PCDHA12: variants seen among roughly 807,000 people sequenced by gnomAD.
The protein encoded by PCDHA12 is protocadherin alpha-12.
A neutral mutation model predicts 60.0 loss-of-function variants in PCDHA12; 44 were observed. The ratio of observed to expected loss-of-function variants is 0.73; its 90% confidence interval spans 0.58 to 0.94. PCDHA12 has a LOEUF of 0.94. Ranked by LOEUF, PCDHA12 falls within the 40% of genes least tolerant of loss-of-function variation. The probability of loss-of-function intolerance (pLI) is 0.00; values close to 1 mark genes in which losing one functional copy is unlikely to be tolerated. For missense variants in PCDHA12, 1,276 were observed against 1,239.7 expected (o/e 1.03, Z -0.44); for synonymous variants, 569 against 553.0 (o/e 1.03, Z -0.40).
At chr5:140,952,955 A>G (rs1244776708) in intron 1 of PCDHA12, among the ~76,000 whole-genome samples, 1 of 152,044 alleles carries the variant, frequency 6.6e-6, no homozygotes, top group Non-Finnish European at 1.5e-5. Context: ...AGAAGGGGGA[A>G]GTGATACACA....
intron 1 of PCDHA12, among the ~76,000 whole-genome samples, chr5:140,974,407 A>T (rs1441174003): frequency 6.6e-6 from 1 of 152,244 alleles, no homozygotes; most frequent in African/African-American, 2.4e-5. Flanking sequence ...TTCTAAAGTT[A>T]TGTTTATTTT....
At position 140,913,388 on chromosome 5, in the gene PCDHA12, G is replaced by A. The variant is rs180918053; in HGVS notation, c.2367+35549G>A. On this transcript the variant is annotated intron_variant, in intron 1 of 3. Coordinates refer to ENST00000398631, the MANE Select transcript of PCDHA12 (RefSeq NM_018903.4). ...TATTGGCATATAGTGGCTCATCATAGCCACTAATGATCCTTTGAATTCCTG... is the reference window on the plus strand; with the variant it reads ...TATTGGCATATAGTGGCTCATCATAACCACTAATGATCCTTTGAATTCCTG... Among the ~76,000 whole-genome samples, 155 of 152,188 alleles carry A rather than the reference G, an allele frequency of 1.0e-3. 2 individuals are homozygous for A. The highest frequency in any genetic ancestry group is 3.7e-3 in the African/African-American group (152 of 41,534).
chr5:140,966,953 C>A, intron 1 of PCDHA12: 1 of 1,603,802 alleles, frequency 6.2e-7, no homozygotes. Flanking sequence ...CAACGTGGCT[C>A]GCGCGCTGGG....
chr5:140,966,061 C>T (rs2095963591), intron 1 of PCDHA12, among the ~76,000 whole-genome samples: 1 of 152,222 alleles, frequency 6.6e-6, no homozygotes, highest in Non-Finnish European at 1.5e-5. Flanking sequence ...CCCAGAGCGC[C>T]TCCCCCTGCG....
chr5:140,994,519 A>G (rs1378534275), intron 3 of PCDHA12, among the ~76,000 whole-genome samples: 2 of 148,690 alleles, frequency 1.3e-5, no homozygotes, highest in Non-Finnish European at 3.0e-5. Context: ...CCTGGGCAAC[A>G]TGGCAAAACC....
At position 140,946,631 on chromosome 5, in the gene PCDHA12, T is replaced by C. The variant is rs75895301; in HGVS notation, c.2368-32318T>C. Among the ~76,000 whole-genome samples, 565 of 131,680 alleles carry C rather than the reference T, an allele frequency of 4.3e-3. 19 individuals are homozygous for C. Among genetic ancestry groups the C allele is most frequent in the Middle Eastern group, 0.019 (5 of 266 alleles). 86.4% of individuals were successfully genotyped at this position (131,680 alleles called of 152,430 possible). A position where few individuals can be genotyped will look rare whatever the true frequency, so the allele number is the denominator to read the frequency against. On this transcript the variant is annotated intron_variant, in intron 1 of 3. Coordinates refer to ENST00000398631, the MANE Select transcript of PCDHA12 (RefSeq NM_018903.4). ...TGTGAAATATATATATATATATATA[T>C]ACAATGGAATACTCATCAGCCATTA... is the stretch of plus-strand genomic sequence containing the variant.
intron 1 of PCDHA12, chr5:140,926,897 T>C: frequency 1.3e-6 from 2 of 1,548,696 alleles, no homozygotes; most frequent in Non-Finnish European, 1.7e-6. Context: ...GGGAGGATGG[T>C]GGGCTGTGGG....
At position 140,883,630 on chromosome 5, in the gene PCDHA12, G is replaced by A. The variant is rs1424400219; in HGVS notation, c.2367+5791G>A. Reference sequence around the variant, plus strand: ...CCGACGTGAACGACAACGCGCCGGCGTTCGCGCAGCCCGAGTACACGGTGT... The same window carrying A: ...CCGACGTGAACGACAACGCGCCGGCATTCGCGCAGCCCGAGTACACGGTGT... On this transcript the variant is annotated intron_variant, in intron 1 of 3. Coordinates refer to ENST00000398631, the MANE Select transcript of PCDHA12 (RefSeq NM_018903.4). 3 of 1,613,848 alleles carry A rather than the reference G, an allele frequency of 1.9e-6. No individual in the cohort carries two copies. In the African/African-American group the frequency reaches 4.0e-5, roughly 22 times the overall value.
chr5:140,992,681 G>A (rs575311513), intron 3 of PCDHA12, among the ~76,000 whole-genome samples: 2 of 152,286 alleles, frequency 1.3e-5, no homozygotes, highest in South Asian at 4.2e-4. Flanking sequence ...TGTGTGTTAG[G>A]GGTTGAGGGG....
At chr5:140,952,768 AT>A (rs1554220610) in intron 1 of PCDHA12, among the ~76,000 whole-genome samples, 1 of 152,180 alleles carries the variant, frequency 6.6e-6, no homozygotes, top group African/African-American at 2.4e-5. Context: ...AGACTGGATA[AT>A]TTAGAAAGAA....
In PCDHA12 at chr5:140,953,296, G is replaced by A. The variant is rs118116883; in HGVS notation, c.2368-25653G>A. 7.9e-5 allele frequency among the ~76,000 whole-genome samples: 12 copies of A among 152,162 alleles called. No individual in the cohort carries two copies. The East Asian group carries it at 1.5e-3, about 20-fold the overall frequency. Reference sequence around the variant, plus strand: ...TGCTCTTTATATGTGATTCAGGGACGGCAGAGATGTGGGAAGAATTTGATC... The same window carrying A: ...TGCTCTTTATATGTGATTCAGGGACAGCAGAGATGTGGGAAGAATTTGATC... On this transcript the variant is annotated intron_variant, in intron 1 of 3. Coordinates refer to ENST00000398631, the MANE Select transcript of PCDHA12 (RefSeq NM_018903.4).
intron 1 of PCDHA12, among the ~76,000 whole-genome samples, chr5:140,912,990 T>C (rs2076154668): frequency 6.6e-6 from 1 of 152,198 alleles, no homozygotes; most frequent in African/African-American, 2.4e-5. Context: ...GAATTCAGTT[T>C]GCTAGTATTT....
chr5:141,010,293 G>A lies in PCDHA12; in HGVS notation c.*356G>A. ...ATCCTGTCTTGATGACACTTGCAGG[G>A]CAGGCTGAAAAGTTTTGAGATTGAG... On this transcript the variant is annotated 3_prime_UTR_variant, in exon 4 of 4. Transcript: ENST00000398631. The A allele has an allele frequency of 6.5e-7, 1 of 1,549,794 alleles. No individual in the cohort carries two copies. The highest frequency in any genetic ancestry group is 2.4e-5 in the East Asian group (1 of 40,902).
chr5:140,966,641 A>T, intron 1 of PCDHA12: 1 of 1,104,530 alleles, frequency 9.1e-7, no homozygotes, highest in South Asian at 2.2e-5. Flanking sequence ...GGCGCTTTCT[A>T]GAGCGTGAGC....
At chr5:140,993,543 G>C (rs1263683239) in intron 3 of PCDHA12, among the ~76,000 whole-genome samples, 1 of 151,590 alleles carries the variant, frequency 6.6e-6, no homozygotes, top group Non-Finnish European at 1.5e-5. Context: ...GAGAGATAGA[G>C]AAGTGAAGTA....
In PCDHA12 at chr5:140,999,778, T is replaced by G. The variant is rs1252583642; in HGVS notation, c.2516-9849T>G. On this transcript the variant is annotated intron_variant, in intron 3 of 3. Coordinates refer to ENST00000398631, the MANE Select transcript of PCDHA12 (RefSeq NM_018903.4). ...ACATGATGTCTTTATACTCTTAACC[T>G]AGAAATGGCAGAGTTATTTTGGGCA... 3.0e-4 allele frequency among the ~76,000 whole-genome samples: 46 copies of G among 152,162 alleles called. 1 individual carries two copies.
intron 1 of PCDHA12, among the ~76,000 whole-genome samples, chr5:140,914,826 CA>C: frequency 6.6e-6 from 1 of 151,812 alleles, no homozygotes; most frequent in East Asian, 1.9e-4. Context: ...ACTGCATAAA[CA>C]AAAAACAAAC....
chr5:140,993,546 G>A (rs1013720873), intron 3 of PCDHA12, among the ~76,000 whole-genome samples: 4 of 151,434 alleles, frequency 2.6e-5, no homozygotes, highest in Non-Finnish European at 5.9e-5. Context: ...AGATAGAGAA[G>A]TGAAGTATAT....
chr5:140,891,430 A>G (rs1422502424), intron 1 of PCDHA12, among the ~76,000 whole-genome samples: 1 of 141,772 alleles, frequency 7.1e-6, no homozygotes, highest in Non-Finnish European at 1.5e-5. Flanking sequence ...CCAAGTCCCC[A>G]ACGTCCATTG....
Sources: gnomAD v4.1 joint callset for allele counts (sites outside exome capture counted in the v4.1 genomes callset) on GRCh38, gnomAD v4.1.1 for gene constraint, MANE v1.5 for transcripts, NCBI Gene and HGNC (gene_info 2026-07-23, HGNC 2026-07-21) for gene names.